The following KCNH6 variants were observed in gnomAD, a reference collection of about 807,000 sequenced individuals.
The protein encoded by KCNH6 is voltage-gated inwardly rectifying potassium channel KCNH6.
Under a neutral mutation model 83.4 loss-of-function variants are expected in KCNH6, and 81 were observed. The observed-to-expected ratio is 0.97, with a 90% confidence interval of 0.81 to 1.17. The LOEUF (loss-of-function observed/expected upper bound fraction) is 1.17, where lower values mean the gene tolerates loss of function less well. Ranked by LOEUF, KCNH6 falls within the 50% of genes most tolerant of loss-of-function variation. The pLI is 0.00. For synonymous variants in KCNH6, 503 were observed against 545.6 expected (o/e 0.92, Z 1.09); for missense variants, 1,203 against 1,290.5 (o/e 0.93, Z 1.04).
rs1222411611 is a variant in KCNH6, at chr17:63,533,878, AC to A, written c.676-3del. ...CCGTGCCTGACCTCCCTCGGCCCCCACCCCCAGGTCCTGTCCCTGGGCGCGG... is the reference window on the plus strand; with the variant it reads ...CCGTGCCTGACCTCCCTCGGCCCCCACCCCAGGTCCTGTCCCTGGGCGCGG... On this transcript the variant is annotated splice_polypyrimidine_tract_variant and splice_region_variant and intron_variant, in intron 4 of 12. Coordinates refer to ENST00000314672, the MANE Select transcript of KCNH6 (RefSeq NM_001278919.2). The surrounding 1 kb of genome is among the most constrained non-coding windows in gnomAD (Gnocchi z 4.1). 3.7e-6 allele frequency: 6 copies of A among 1,606,962 alleles called. No individual in the cohort carries two copies. The African/African-American group carries it at 5.4e-5, about 14-fold the overall frequency.
At position 63,534,221 on chromosome 17, in the gene KCNH6, C is replaced by T. The variant is rs769572797; in HGVS notation, c.1011C>T (p.Ile337=). The T allele has an allele frequency of 6.2e-6, 10 of 1,614,026 alleles. No homozygotes were observed. The highest frequency in any genetic ancestry group is 3.3e-4 in the Middle Eastern group (2 of 6,082). Residue 337 remains isoleucine, a synonymous_variant, in exon 5 of 13, where the codon ATC becomes ATT. Coordinates refer to ENST00000314672, the MANE Select transcript of KCNH6 (RefSeq NM_001278919.2). The surrounding 1 kb of genome is among the most constrained non-coding windows in gnomAD (Gnocchi z 5.0). ...AGGTGGTCAGCCACCCCCGCCGCATCGCCGTCCACTACTTCAAGGGCTGGT... is the reference window on the plus strand; with the variant it reads ...AGGTGGTCAGCCACCCCCGCCGCATTGCCGTCCACTACTTCAAGGGCTGGT... ...NDEVVSHPRR[I]AVHYFKGWFL... is the part of the protein sequence containing the mutation.
At chr17:63,545,308 G>A in intron 12 of KCNH6, 44 bp downstream of exon 12, 1 of 1,592,152 alleles carries the variant, frequency 6.3e-7, no homozygotes, top group Non-Finnish European at 8.6e-7. Flanking sequence ...GCGAGCAGCT[G>A]CATGCCTTCC....
rs1360060336 is a variant in KCNH6 at position 63,535,251 on chromosome 17, T to G, written c.1102-418T>G. The stretch of plus-strand genomic sequence containing the variant: ...CTCCCATGTGCGCATCGGGCTGCAG[T>G]GCCACACTCGGTTTCCCACATCGGC... On this transcript the variant is annotated intron_variant, in intron 5 of 12. Coordinates refer to ENST00000314672, the MANE Select transcript of KCNH6 (RefSeq NM_001278919.2). This position sits in a 1 kb window ranked among gnomAD's most constrained non-coding sequence, Gnocchi z 4.9. Among the ~76,000 whole-genome samples, 7 of 152,140 alleles carry G rather than the reference T, an allele frequency of 4.6e-5. No individual in the cohort carries two copies. The highest frequency in any genetic ancestry group is 8.8e-5 in the Non-Finnish European group (6 of 68,000).
At position 63,538,359 on chromosome 17, in the gene KCNH6, C is replaced by G. The variant is rs554303432; in HGVS notation, c.1702-51C>G. ...CCCCAGAGCCCTCACCACCCTCTCC[C>G]CCAGCCCCACCCCGGCCGCGTCCCG... On this transcript the variant is annotated intron_variant, in intron 7 of 12. Coordinates refer to ENST00000314672, the MANE Select transcript of KCNH6 (RefSeq NM_001278919.2). This position sits in a 1 kb window ranked among gnomAD's most constrained non-coding sequence, Gnocchi z 4.0. 2 of 1,593,822 alleles carry G rather than the reference C, an allele frequency of 1.3e-6. No individual in the cohort carries two copies. The highest frequency in any genetic ancestry group is 2.3e-5 in the East Asian group (1 of 44,404).
rs1431018607 is a variant in KCNH6, at chr17:63,538,579, T to G, written c.1871T>G (p.Leu624Arg). ...CCGCCTGGGGACACGCTGGTGCACC[T>G]CGGCGACGTGCTCTCCACCCTCTAC... Reference protein sequence around the residue: ...HAPPGDTLVHLGDVLSTLYFI... With the variant: ...HAPPGDTLVHRGDVLSTLYFI... Residue 624 changes from leucine to arginine, a missense_variant, in exon 8 of 13, where the codon CTC (leucine) becomes CGC (arginine). Leu to Arg is a moderately radical substitution (Grantham distance 102, BLOSUM62 -2). Transcript: ENST00000314672. The surrounding 1 kb of genome is among the most constrained non-coding windows in gnomAD (Gnocchi z 4.0). 6.2e-7 allele frequency: 1 copy of G among 1,612,996 alleles called. No homozygotes were observed. The highest frequency in any genetic ancestry group is 1.1e-5 in the South Asian group (1 of 90,978).
In KCNH6 at chr17:63,538,427, C is replaced by A; in HGVS notation, c.1719C>A (p.Pro573=). 6.2e-7 allele frequency: 1 copy of A among 1,600,554 alleles called. No homozygotes were observed. The highest frequency in any genetic ancestry group is 2.2e-5 in the East Asian group (1 of 44,458). Residue 573 remains proline, a synonymous_variant, in exon 8 of 13, where the codon CCC becomes CCA. Coordinates refer to ENST00000314672, the MANE Select transcript of KCNH6 (RefSeq NM_001278919.2). The surrounding 1 kb of genome is among the most constrained non-coding windows in gnomAD (Gnocchi z 4.0). ...CCTTGCAGGTGCTGAAGGGCTTCCC[C>A]GAGTGCCTGCAGGCTGACATCTGCC... The part of the protein sequence containing the change: ...IDMNAVLKGF[P]ECLQADICLH...
At chr17:63,526,945 A>G (rs1032509811) in intron 2 of KCNH6, among the ~76,000 whole-genome samples, 2 of 152,136 alleles carry the variant, frequency 1.3e-5, no homozygotes, top group African/African-American at 4.8e-5. Flanking sequence ...GAGTGGTGAG[A>G]ACCTAACAGA....
intron 8 of KCNH6, among the ~76,000 whole-genome samples, chr17:63,539,776 T>C (rs553967197): frequency 6.6e-6 from 1 of 152,294 alleles, no homozygotes; most frequent in African/African-American, 2.4e-5. Context: ...TGTTGGGAAC[T>C]CCTTTCCCAT....
rs1266757989 is a variant in KCNH6, at chr17:63,534,281, C to T, written c.1071C>T (p.Asp357=). 6.2e-7 allele frequency: 1 copy of T among 1,613,884 alleles called. No individual in the cohort carries two copies. ...ACATGGTGGCCGCCATCCCTTTCGA[C>T]CTCCTGATCTTCCGCACTGGCTCCG... The part of the protein sequence containing the change: ...LIDMVAAIPF[D]LLIFRTGSDE... The change falls in exon 5 of 13, where the codon GAC becomes GAT. Residue 357 remains aspartate, a synonymous_variant. Transcript: ENST00000314672. The surrounding 1 kb of genome is among the most constrained non-coding windows in gnomAD (Gnocchi z 5.0).
At chr17:63,528,339 G>A (rs535602932) in intron 2 of KCNH6, among the ~76,000 whole-genome samples, 46 of 152,276 alleles carry the variant, frequency 3.0e-4, no homozygotes, top group Non-Finnish European at 5.1e-4. Flanking sequence ...CCCAGTGTGG[G>A]TGTCTCCCCT....
Position 63,533,932 on chromosome 17 carries a change from C to T in KCNH6, c.722C>T (p.Ala241Val), listed in dbSNP as rs184322799. Residue 241 changes from alanine (A) to valine (V), a missense_variant, in exon 5 of 13, where the codon GCG (alanine) becomes GTG (valine). Ala to Val is a moderately conservative substitution (Grantham distance 64, BLOSUM62 0). Coordinates refer to ENST00000314672, the MANE Select transcript of KCNH6 (RefSeq NM_001278919.2). The surrounding 1 kb of genome is among the most constrained non-coding windows in gnomAD (Gnocchi z 4.1). ...ADVLPEYKLQ[A>V]PRIHRWTILH... ...GTGCTGCCGGAGTACAAGCTGCAGG[C>T]GCCGCGCATCCACCGCTGGACCATC... 156 of 1,613,998 alleles carry T rather than the reference C, an allele frequency of 9.7e-5. 1 individual carries two copies. In the East Asian group the frequency reaches 2.2e-3, roughly 23 times the overall value.
At chr17:63,545,497 C>T in intron 12 of KCNH6, 112 bp from the exon 13 acceptor site, 1 of 1,180,614 alleles carries the variant, frequency 8.5e-7, no homozygotes, top group Non-Finnish European at 1.2e-6. Flanking sequence ...GCAGCAGGAC[C>T]CTGAGGTGTG....
intron 2 of KCNH6, among the ~76,000 whole-genome samples, chr17:63,526,686 A>T (rs531717495): frequency 6.6e-6 from 1 of 151,128 alleles, no homozygotes; most frequent in South Asian, 2.1e-4. Flanking sequence ...CCAACCCCCA[A>T]CTCCAGGGAG....
At chr17:63,527,380 G>A (rs943183646) in intron 2 of KCNH6, among the ~76,000 whole-genome samples, 1 of 152,236 alleles carries the variant, frequency 6.6e-6, no homozygotes, top group Admixed American at 6.5e-5. Flanking sequence ...GCTGGATGGG[G>A]TGTGCATCGG....
Position 63,538,403 on chromosome 17 carries a change from C to T in KCNH6, c.1702-7C>T. ...CGTCCCGCTGGACTTGGCCGCCCGC[C>T]TTGCAGGTGCTGAAGGGCTTCCCCG... On this transcript the variant is annotated splice_polypyrimidine_tract_variant and splice_region_variant and intron_variant, in intron 7 of 12. Transcript: ENST00000314672. This position sits in a 1 kb window ranked among gnomAD's most constrained non-coding sequence, Gnocchi z 4.0. The T allele has an allele frequency of 6.3e-7, 1 of 1,592,734 alleles. No homozygotes were observed. The highest frequency in any genetic ancestry group is 8.5e-7 in the Non-Finnish European group (1 of 1,170,804).
chr17:63,542,122 C>A, intron 8 of KCNH6, 119 bp from the exon 9 acceptor site: 1 of 1,035,380 alleles, frequency 9.7e-7, no homozygotes, highest in Non-Finnish European at 1.4e-6. Context: ...AGCTCTATCC[C>A]AGGCAGCAGG....
At position 63,534,128 on chromosome 17, in the gene KCNH6, C is replaced by T. The variant is rs770277861; in HGVS notation, c.918C>T (p.Ile306=). Residue 306 remains isoleucine (I), a synonymous_variant, in exon 5 of 13, where the codon ATC becomes ATT. Transcript: ENST00000314672. The surrounding 1 kb of genome is among the most constrained non-coding windows in gnomAD (Gnocchi z 5.0). ...TCSPLTVVDL[I]VDIMFVVDIV... is the part of the protein sequence containing the mutation. The stretch of plus-strand genomic sequence containing the variant: ...GTCCCCTCACTGTGGTGGATCTCAT[C>T]GTGGACATCATGTTCGTCGTGGACA... 6.3e-6 allele frequency: 9 copies of T among 1,423,086 alleles called. No homozygotes were observed. The Admixed American group carries it at 9.3e-5, about 15-fold the overall frequency. 88.2% of individuals were successfully genotyped at this position (1,423,086 alleles called of 1,614,324 possible).
rs762868334 is a variant in KCNH6 at position 63,530,233 on chromosome 17, C to G, written c.450C>G (p.Ser150=). The G allele has an allele frequency of 6.2e-7, 1 of 1,614,094 alleles. No homozygotes were observed. The highest frequency in any genetic ancestry group is 1.1e-5 in the South Asian group (1 of 91,082). ...GCAGCTTGTCCCAGCGCCTGTTGTC[C>G]CAGAGCTTCCTGGGCTCCGGTGAGG... ...SSRSLSQRLL[S]QSFLGSEGSH... Residue 150 remains serine, a synonymous_variant, in exon 3 of 13, where the codon TCC becomes TCG. Coordinates refer to ENST00000314672, the MANE Select transcript of KCNH6 (RefSeq NM_001278919.2).
Position 63,535,237 on chromosome 17 carries a change from G to C in KCNH6, c.1102-432G>C, listed in dbSNP as rs137958418. ...CACTGCTCCTCCATCTCCCATGTGC[G>C]CATCGGGCTGCAGTGCCACACTCGG... On this transcript the variant is annotated intron_variant, in intron 5 of 12. Transcript: ENST00000314672. The surrounding 1 kb of genome is among the most constrained non-coding windows in gnomAD (Gnocchi z 4.9). Among the ~76,000 whole-genome samples, 1 of 152,154 alleles carries C rather than the reference G, an allele frequency of 6.6e-6. No homozygotes were observed. The highest frequency in any genetic ancestry group is 2.4e-5 in the African/African-American group (1 of 41,424).
Sources: allele counts gnomAD v4.1 joint callset (sites outside exome capture counted in the v4.1 genomes callset), GRCh38; gene constraint gnomAD v4.1.1; non-coding constraint Gnocchi (gnomAD v3.1); transcripts MANE v1.5; gene names NCBI Gene and HGNC (gene_info 2026-07-23, HGNC 2026-07-21).